LINGO1: variants seen among roughly 807,000 people sequenced by gnomAD.
LINGO1 encodes leucine-rich repeat and immunoglobulin-like domain-containing nogo receptor-interacting protein 1.
Under a neutral mutation model 37.3 loss-of-function variants are expected in LINGO1, and 11 were observed. The ratio of observed to expected loss-of-function variants is 0.29; its 90% confidence interval spans 0.19 to 0.49. The LOEUF (loss-of-function observed/expected upper bound fraction) is 0.49, where lower values mean the gene tolerates loss of function less well. Ranked by LOEUF, LINGO1 falls within the 20% of genes least tolerant of loss-of-function variation. The probability of loss-of-function intolerance (pLI) is 0.99; values close to 1 mark genes in which losing one functional copy is unlikely to be tolerated. For missense variants in LINGO1, 585 were observed against 878.2 expected (o/e 0.67, Z 4.22); for synonymous variants, 387 against 403.0 (o/e 0.96, Z 0.48).
intron 1 of LINGO1, among the ~76,000 whole-genome samples, chr15:77,741,717 G>C (rs2076266586): frequency 6.6e-6 from 1 of 152,246 alleles, no homozygotes; most frequent in Admixed American, 6.5e-5. Flanking sequence ...GTCCCCTGAG[G>C]CTGCAGGCTC....
chr15:77,620,340 T>C (rs1595989490), intron 1 of LINGO1, among the ~76,000 whole-genome samples: 1 of 152,128 alleles, frequency 6.6e-6, no homozygotes, highest in African/African-American at 2.4e-5. Context: ...ACCTAAAGCA[T>C]CCAGAGTCCT....
intron 1 of LINGO1, among the ~76,000 whole-genome samples, chr15:77,738,804 GA>G (rs1318705347): frequency 2.0e-5 from 3 of 152,086 alleles, no homozygotes; most frequent in East Asian, 3.9e-4. Flanking sequence ...AGGAAGGAAG[GA>G]AGGAAGGAAA....
chr15:77,737,986 T>TC (rs2076219899), intron 1 of LINGO1, among the ~76,000 whole-genome samples: 1 of 152,182 alleles, frequency 6.6e-6, no homozygotes, highest in South Asian at 2.1e-4. Flanking sequence ...GGCCTATTTG[T>TC]CATCTCCGCT....
intron 2 of LINGO1, among the ~76,000 whole-genome samples, chr15:77,704,413 C>T (rs1197994629): frequency 6.6e-6 from 1 of 151,804 alleles, no homozygotes; most frequent in Admixed American, 6.5e-5. Flanking sequence ...TGAACCCCAA[C>T]CCTGGCCACA....
intron 2 of LINGO1, among the ~76,000 whole-genome samples, chr15:77,711,289 C>T (rs2075915002): frequency 6.6e-6 from 1 of 152,234 alleles, no homozygotes. Context: ...ATTATTTTGT[C>T]CTGTCTCCCC....
Position 77,632,446 on chromosome 15 carries a change from CCG to C in LINGO1, c.-133_-132del, listed in dbSNP as rs1385205430. On this transcript the variant is annotated 5_prime_UTR_variant, in exon 1 of 2. Transcript: ENST00000355300. The surrounding 1 kb of genome is among the most constrained non-coding windows in gnomAD (Gnocchi z 6.0). Reference sequence around the variant, plus strand: ...TCCTCCGACACCTCCGCCCGGCAGTCCGCGCGCCCTCGCGGGGCTGGCTGTCC... The same window carrying C: ...TCCTCCGACACCTCCGCCCGGCAGTCCGCGCCCTCGCGGGGCTGGCTGTCC... 1.9e-6 allele frequency: 2 copies of C among 1,035,600 alleles called. No homozygotes were observed. The highest frequency in any genetic ancestry group is 8.7e-5 in the Admixed American group (2 of 23,034). The allele number at this position is 1,035,600 out of a possible 1,614,324, so 64.2% of individuals were successfully genotyped here.
intron 3 of LINGO1, among the ~76,000 whole-genome samples, chr15:77,674,762 C>G (rs2075302885): frequency 6.6e-6 from 1 of 151,868 alleles, no homozygotes; most frequent in South Asian, 2.1e-4. Context: ...TCCCATCCCC[C>G]TCCTCTGCTT....
At chr15:77,659,130 G>C (rs866821831) in intron 3 of LINGO1, among the ~76,000 whole-genome samples, 1 of 152,174 alleles carries the variant, frequency 6.6e-6, no homozygotes. Context: ...GACTTCAGCC[G>C]TAGGGCAATG....
At chr15:77,699,544 T>C (rs1253581016), upstream of LINGO1, among the ~76,000 whole-genome samples, 1 of 13,412 alleles carries the variant, frequency 7.5e-5, no homozygotes, top group Non-Finnish European at 1.6e-4. Flanking sequence ...AGTAAGTGCA[T>C]ACTAACCATC....
intron 3 of LINGO1, among the ~76,000 whole-genome samples, chr15:77,639,509 C>T (rs928369485): frequency 1.3e-5 from 2 of 151,790 alleles, no homozygotes; most frequent in South Asian, 2.1e-4. Flanking sequence ...CATGAGCACA[C>T]GAGGGCAAGC....
At chr15:77,748,905 T>C (rs1172921375) in intron 1 of LINGO1, among the ~76,000 whole-genome samples, 11 of 112,140 alleles carry the variant, frequency 9.8e-5, no homozygotes, top group South Asian at 3.0e-4. Flanking sequence ...CCTTCCTTCC[T>C]TCTCTTTTTT....
chr15:77,705,618 C>T lies in LINGO1; in HGVS notation c.-194-14717G>A, dbSNP rs180766781. On this transcript the variant is annotated intron_variant, in intron 2 of 3. Transcript: ENST00000561686. ...GAGGTGGCAGGGGCTGGCAAAGCCT[C>T]GGGGAGCCACCCTGTCCTGGGCACT... Among the ~76,000 whole-genome samples, 158 of 152,340 alleles carry T rather than the reference C, an allele frequency of 1.0e-3. 1 individual carries two copies. Among genetic ancestry groups the T allele is most frequent in the African/African-American group, 3.6e-3 (149 of 41,582 alleles).
At chr15:77,803,208 A>C (rs1462280758) in intron 1 of LINGO1, among the ~76,000 whole-genome samples, 2 of 152,066 alleles carry the variant, frequency 1.3e-5, no homozygotes, top group Non-Finnish European at 2.9e-5. Context: ...TGGCTTCCCC[A>C]GGGGTAGGGG....
intron 2 of LINGO1, among the ~76,000 whole-genome samples, chr15:77,701,970 AG>A (rs2075789506): frequency 6.6e-6 from 1 of 152,184 alleles, no homozygotes; most frequent in African/African-American, 2.4e-5. Context: ...AGAGAGATGA[AG>A]GCCCAGCTGA....
At chr15:77,669,468 G>A (rs963977023) in intron 3 of LINGO1, among the ~76,000 whole-genome samples, 2 of 152,164 alleles carry the variant, frequency 1.3e-5, no homozygotes, top group African/African-American at 2.4e-5. Flanking sequence ...AGGGAAAACC[G>A]AGAGAGGTAC....
At chr15:77,689,602 G>C (rs898366540) in intron 2 of LINGO1, among the ~76,000 whole-genome samples, 5 of 152,194 alleles carry the variant, frequency 3.3e-5, no homozygotes, top group African/African-American at 1.2e-4. Context: ...CCTCCATGTG[G>C]GGGGTGGGAA....
At chr15:77,647,380 G>A (rs943633067) in intron 3 of LINGO1, among the ~76,000 whole-genome samples, 3 of 151,266 alleles carry the variant, frequency 2.0e-5, no homozygotes, top group South Asian at 2.1e-4. Context: ...GATCAGAGCT[G>A]GAAGAGAAGG....
intron 2 of LINGO1, among the ~76,000 whole-genome samples, chr15:77,721,167 T>C (rs1433171483): frequency 3.9e-5 from 6 of 152,002 alleles, no homozygotes; most frequent in Non-Finnish European, 5.9e-5. Context: ...TCCAAGTGTC[T>C]AACCCTCCCG....
chr15:77,757,353 T>C (rs955474468), intron 1 of LINGO1, among the ~76,000 whole-genome samples: 2 of 152,206 alleles, frequency 1.3e-5, no homozygotes, highest in African/African-American at 4.8e-5. Flanking sequence ...GCACTGACCA[T>C]GCACAGGGTT....
Sources: allele counts gnomAD v4.1 joint callset (sites outside exome capture counted in the v4.1 genomes callset), GRCh38; gene constraint gnomAD v4.1.1; non-coding constraint Gnocchi (gnomAD v3.1); transcripts MANE v1.5; gene names NCBI Gene and HGNC (gene_info 2026-07-23, HGNC 2026-07-21).